DLG5: variants seen among roughly 807,000 people sequenced by gnomAD.
The protein encoded by DLG5 is disks large homolog 5.
DLG5 carries 48 observed loss-of-function variants against 189.8 expected under a neutral mutation model. The observed-to-expected ratio is 0.25, with a 90% CI of 0.20 to 0.32. DLG5 has a LOEUF of 0.32. Ranked by LOEUF, DLG5 falls within the 10% of genes least tolerant of loss-of-function variation. The probability of loss-of-function intolerance (pLI) is 1.00; values close to 1 mark genes in which losing one functional copy is unlikely to be tolerated. For synonymous variants in DLG5, 1,016 were observed against 1,054.1 expected (o/e 0.96, Z 0.70); for missense variants, 2,160 against 2,544.7 (o/e 0.85, Z 3.25).
chr10:77,924,889 G>A (rs757688599), intron 1 of DLG5, among the ~76,000 whole-genome samples: 1 of 152,202 alleles, frequency 6.6e-6, no homozygotes, highest in Non-Finnish European at 1.5e-5. Context: ...GATGGCCAAC[G>A]TAAGAGAGCT....
intron 5 of DLG5, among the ~76,000 whole-genome samples, chr10:77,847,560 G>A (rs1056883079): frequency 1.3e-5 from 2 of 152,058 alleles, no homozygotes; most frequent in African/African-American, 4.8e-5. Flanking sequence ...GGTTAACTCC[G>A]GAGAATCCAA....
chr10:77,853,677 C>G, intron 4 of DLG5, 140 bp from the exon 5 acceptor site: 1 of 870,710 alleles, frequency 1.1e-6, no homozygotes, highest in Non-Finnish European at 1.6e-6. Flanking sequence ...GTCTGTAGCA[C>G]TCAGAGGCAA....
intron 5 of DLG5, among the ~76,000 whole-genome samples, chr10:77,852,544 T>C (rs908027467): frequency 1.3e-5 from 2 of 151,810 alleles, no homozygotes; most frequent in East Asian, 2.0e-4. Context: ...GCCTCCCAAG[T>C]AGCTGGGACT....
Position 77,792,169 on chromosome 10 carries a change from C to T in DLG5, c.*271G>A. 1 of 489,966 alleles carries T rather than the reference C, an allele frequency of 2.0e-6. No individual in the cohort carries two copies. 30.4% of individuals were successfully genotyped at this position (489,966 alleles called of 1,614,324 possible). ...CTTTGCAGCATCTCTGATCAGCTGG[C>T]TAAAGAAAGGTGGGTGCTGAACCCG... On this transcript the variant is annotated 3_prime_UTR_variant, in exon 32 of 32. Coordinates refer to ENST00000372391, the MANE Select transcript of DLG5 (RefSeq NM_004747.4).
At chr10:77,812,084 T>TG (rs758513414) in intron 21 of DLG5, 27 bp from the exon 22 acceptor site, 26 of 1,605,646 alleles carry the variant, frequency 1.6e-5, no homozygotes, top group Admixed American at 5.0e-5. Flanking sequence ...ATGGGCTCAG[T>TG]GGGGGGGTCG....
At chr10:77,829,862 A>G (rs1842819370) in intron 11 of DLG5, among the ~76,000 whole-genome samples, 1 of 152,268 alleles carries the variant, frequency 6.6e-6, no homozygotes, top group African/African-American at 2.4e-5. Context: ...TGCTTAAACC[A>G]GTACTCAGCA....
chr10:77,853,634 T>C (rs1392658365), intron 4 of DLG5, 97 bp from the exon 5 acceptor site: 7 of 1,262,496 alleles, frequency 5.5e-6, no homozygotes, highest in Non-Finnish European at 7.4e-6. Flanking sequence ...ACACTTCCCG[T>C]AGATACAGCG....
At chr10:77,918,149 G>A (rs966133681) in intron 1 of DLG5, among the ~76,000 whole-genome samples, 3 of 151,932 alleles carry the variant, frequency 2.0e-5, no homozygotes, top group East Asian at 1.9e-4. Context: ...GGTGGCTCAC[G>A]CCTGTAATCC....
Position 77,821,373 on chromosome 10 carries a change from A to G in DLG5, c.3111T>C (p.Thr1037=), listed in dbSNP as rs1842345385. The G allele has an allele frequency of 6.2e-7, 1 of 1,612,248 alleles. No individual in the cohort carries two copies. Among genetic ancestry groups the G allele is most frequent in the African/African-American group, 1.3e-5 (1 of 74,878 alleles). ...TAGTGGATGGGGAGCTGCCCACCAG[A>G]GTGGCTTCTGACTCGGAGCTAGTCT... ...RLETSSESEA[T]LVGSSPSTSP... Residue 1037 remains threonine (T), a synonymous_variant, in exon 15 of 32, where the codon ACT becomes ACC. Transcript: ENST00000372391.
chr10:77,863,666 C>T (rs1844560784), intron 2 of DLG5, among the ~76,000 whole-genome samples: 1 of 152,224 alleles, frequency 6.6e-6, no homozygotes, highest in Non-Finnish European at 1.5e-5. Flanking sequence ...TGTCAACTCT[C>T]CCGTGACCTC....
chr10:77,840,805 C>T (rs904125721), intron 7 of DLG5, among the ~76,000 whole-genome samples: 2 of 152,212 alleles, frequency 1.3e-5, no homozygotes, highest in African/African-American at 4.8e-5. Flanking sequence ...GGGCCTGTGT[C>T]TCATGCATTC....
At chr10:77,900,796 G>A (rs2154577861) in intron 1 of DLG5, among the ~76,000 whole-genome samples, 1 of 152,344 alleles carries the variant, frequency 6.6e-6, no homozygotes, top group Admixed American at 6.5e-5. Context: ...TTAGCCAGAT[G>A]TGATGACATG....
At chr10:77,857,657 G>A (rs1318756976) in intron 2 of DLG5, among the ~76,000 whole-genome samples, 3 of 152,216 alleles carry the variant, frequency 2.0e-5, no homozygotes, top group Non-Finnish European at 2.9e-5. Context: ...AGCCACCGCT[G>A]CCACCACCAC....
At chr10:77,806,721 C>G in intron 26 of DLG5, 37 bp downstream of exon 26, 2 of 1,326,426 alleles carry the variant, frequency 1.5e-6, no homozygotes, top group Non-Finnish European at 2.2e-6. Context: ...CTCGGCGACC[C>G]CTGCCCCACC....
chr10:77,809,817 C>G (rs1841671673), intron 23 of DLG5, 87 bp from the exon 24 acceptor site: 2 of 1,446,542 alleles, frequency 1.4e-6, no homozygotes, highest in Non-Finnish European at 1.9e-6. Context: ...TAACCGCTTT[C>G]TGCCTGCTTC....
intron 1 of DLG5, among the ~76,000 whole-genome samples, chr10:77,877,301 A>C (rs1845130947): frequency 1.5e-5 from 2 of 129,564 alleles, no homozygotes; most frequent in Non-Finnish European, 3.2e-5. Context: ...CTTTTTCTTT[A>C]CTTTTTTTTT....
chr10:77,890,449 C>G (rs190579180), intron 1 of DLG5, among the ~76,000 whole-genome samples: 1 of 152,174 alleles, frequency 6.6e-6, no homozygotes, highest in Non-Finnish European at 1.5e-5. Context: ...TTTACCACCA[C>G]GGGCAAGGTA....
At chr10:77,929,737 A>T (rs1846769372), upstream of DLG5, 1 of 152,206 alleles carries the variant, frequency 6.6e-6, no homozygotes, top group South Asian at 2.1e-4. Flanking sequence ...ATTCTCCCTG[A>T]GAGTATCCAG....
chr10:77,878,724 C>T (rs1029450965), intron 1 of DLG5, among the ~76,000 whole-genome samples: 3 of 152,148 alleles, frequency 2.0e-5, no homozygotes, highest in African/African-American at 2.4e-5. Context: ...TTCCACGTGG[C>T]CATGGCAATT....
Sources: gnomAD v4.1 joint callset for allele counts (sites outside exome capture counted in the v4.1 genomes callset) on GRCh38, gnomAD v4.1.1 for gene constraint, MANE v1.5 for transcripts, NCBI Gene and HGNC (gene_info 2026-07-23, HGNC 2026-07-21) for gene names.